Variants in TNS3 observed in about 807,000 individuals in gnomAD.
TNS3 encodes the protein tensin-3.
TNS3 carries 45 observed loss-of-function variants against 140.9 expected under a neutral mutation model. That is an observed-to-expected ratio of 0.32 (90% CI 0.25 to 0.41). The LOEUF (loss-of-function observed/expected upper bound fraction) is 0.41. TNS3 is among the 10% of genes least tolerant of loss of function. TNS3 has a pLI of 1.00. For missense variants in TNS3, 1,716 were observed against 1,906.7 expected, an observed-to-expected ratio of 0.90 and a Z score of 1.86; for synonymous variants, 815 against 788.4, an observed-to-expected ratio of 1.03 and a Z score of -0.56.
At chr7:47,320,755 T>C (rs1419188956) in intron 20 of TNS3, among the ~76,000 whole-genome samples, 1 of 152,218 alleles carries the variant, frequency 6.6e-6, no homozygotes, top group Non-Finnish European at 1.5e-5. Flanking sequence ...TAAGGCATCA[T>C]TCAACATAGG....
chr7:47,341,829 C>A (rs1259124647), intron 20 of TNS3, among the ~76,000 whole-genome samples: 1 of 151,864 alleles, frequency 6.6e-6, no homozygotes, highest in Admixed American at 6.6e-5. Context: ...TCAGAATTTT[C>A]TTCTTGCCCA....
chr7:47,418,322 G>C (rs1409008780), intron 10 of TNS3, among the ~76,000 whole-genome samples: 1 of 151,994 alleles, frequency 6.6e-6, no homozygotes, highest in Admixed American at 6.6e-5. Context: ...AGAAAAGAAG[G>C]GGAAATGAAC....
At chr7:47,301,767 G>A (rs1489364541) in intron 23 of TNS3, among the ~76,000 whole-genome samples, 1 of 152,160 alleles carries the variant, frequency 6.6e-6, no homozygotes, top group Non-Finnish European at 1.5e-5. Context: ...CAAACACACA[G>A]TGTCCCTGAC....
Position 47,369,162 on chromosome 7 carries a change from G to A in TNS3, c.1484C>T (p.Thr495Ile). Residue 495 changes from threonine (T) to isoleucine (I), a missense_variant, in exon 17 of 31, where the codon ACC becomes ATC. Transcript: ENST00000311160. ...HDLHSVDSLG[T>I]LSSSEGPQSA... is the part of the protein sequence containing the mutation. ...CTGAGGCCCTTCCGAGGAGGACAGG[G>A]TCCCAAGGCTGTCCACACTGTGCAG... 1.2e-6 allele frequency: 2 copies of A among 1,614,106 alleles called. No individual in the cohort carries two copies. Among genetic ancestry groups the A allele is most frequent in the Non-Finnish European group, 1.7e-6 (2 of 1,180,026 alleles).
At chr7:47,290,309 CT>C (rs1168820139) in intron 27 of TNS3, among the ~76,000 whole-genome samples, 1 of 152,092 alleles carries the variant, frequency 6.6e-6, no homozygotes, top group Non-Finnish European at 1.5e-5. Context: ...TTGGTGGTGA[CT>C]TTTAAGATAC....
At chr7:47,500,504 G>A (rs1798172688) in intron 3 of TNS3, among the ~76,000 whole-genome samples, 1 of 152,208 alleles carries the variant, frequency 6.6e-6, no homozygotes, top group Admixed American at 6.5e-5. Flanking sequence ...AGTGTGACGA[G>A]TAAATGACAG....
chr7:47,564,590 T>C (rs973686451), intron 1 of TNS3, among the ~76,000 whole-genome samples: 1 of 134,662 alleles, frequency 7.4e-6, no homozygotes, highest in African/African-American at 2.8e-5. Context: ...GAGCCAACAT[T>C]GTGCCATCGC....
intron 4 of TNS3, among the ~76,000 whole-genome samples, chr7:47,453,442 T>C (rs1796112937): frequency 6.6e-6 from 1 of 152,176 alleles, no homozygotes; most frequent in African/African-American, 2.4e-5. Context: ...AGGTAACAGA[T>C]GCCTGATGCC....
chr7:47,275,343 T>C lies in TNS3; in HGVS notation c.*2733A>G, dbSNP rs763429529. ...CAAGGTATTTGATGCTGAGAATAAA[T>C]GCACAGTGACTTTTAACATGGCTAT... On this transcript the variant is annotated 3_prime_UTR_variant, in exon 31 of 31. Transcript: ENST00000311160. 6.5e-6 allele frequency: 1 copy of C among 152,768 alleles called. No homozygotes were observed. The highest frequency in any genetic ancestry group is 1.5e-5 in the Non-Finnish European group (1 of 68,122). 9.5% of individuals were successfully genotyped at this position (152,768 alleles called of 1,614,324 possible). A position where few individuals can be genotyped will look rare whatever the true frequency, so the allele number is the denominator to read the frequency against.
chr7:47,537,901 G>C (rs1324649249), intron 1 of TNS3, among the ~76,000 whole-genome samples: 1 of 152,034 alleles, frequency 6.6e-6, no homozygotes, highest in African/African-American at 2.4e-5. Flanking sequence ...GGACCGCCCG[G>C]GGCCTTGCAC....
At chr7:47,295,606 C>T (rs151035064) in intron 24 of TNS3, among the ~76,000 whole-genome samples, 1 of 152,202 alleles carries the variant, frequency 6.6e-6, no homozygotes, top group Non-Finnish European at 1.5e-5. Context: ...TTCTCCCCTA[C>T]ACAACGCCTT....
intron 3 of TNS3, among the ~76,000 whole-genome samples, chr7:47,494,633 A>G (rs1797932550): frequency 6.6e-6 from 1 of 152,176 alleles, no homozygotes; most frequent in Non-Finnish European, 1.5e-5. Flanking sequence ...CGGGCTTCGG[A>G]AAGTTCCAGG....
At position 47,407,181 on chromosome 7, in the gene TNS3, C is replaced by T. The variant is rs920206574; in HGVS notation, c.723+4546G>A. Among the ~76,000 whole-genome samples the T allele has an allele frequency of 1.3e-5, 2 of 152,140 alleles. No homozygotes were observed. Among genetic ancestry groups the T allele is most frequent in the Non-Finnish European group, 2.9e-5 (2 of 68,024 alleles). The stretch of plus-strand genomic sequence containing the variant: ...CTGGGCTTTGGCAAAAGATGCACTC[C>T]CGACTCTGATGGGAGTGCTGGCAGT... On this transcript the variant is annotated intron_variant, in intron 13 of 30. Transcript: ENST00000311160. The surrounding 1 kb of genome is among the most constrained non-coding windows in gnomAD (Gnocchi z 4.1).
chr7:47,380,765 C>T (rs968618040), intron 16 of TNS3, among the ~76,000 whole-genome samples: 14 of 140,986 alleles, frequency 9.9e-5, no homozygotes, highest in South Asian at 2.2e-4. Context: ...CATATGCACG[C>T]GCGCGCACAC....
chr7:47,552,335 G>A (rs1044267797), intron 1 of TNS3, among the ~76,000 whole-genome samples: 4 of 152,256 alleles, frequency 2.6e-5, no homozygotes, highest in East Asian at 1.9e-4. Flanking sequence ...CTCTGCCTCC[G>A]TTGCAGAAAT....
chr7:47,484,376 T>C (rs965543852), intron 3 of TNS3, among the ~76,000 whole-genome samples: 3 of 152,180 alleles, frequency 2.0e-5, no homozygotes, highest in African/African-American at 7.2e-5. Flanking sequence ...GTTCTTTCAA[T>C]GTGGCTAAAA....
At chr7:47,289,950 A>G (rs758247916) in intron 27 of TNS3, among the ~76,000 whole-genome samples, 6 of 152,258 alleles carry the variant, frequency 3.9e-5, no homozygotes, top group Non-Finnish European at 7.3e-5. Context: ...ATATTGAAAG[A>G]GAAGAGCAAA....
chr7:47,533,407 G>C (rs1156519314), intron 1 of TNS3, among the ~76,000 whole-genome samples: 2 of 149,338 alleles, frequency 1.3e-5, no homozygotes, highest in African/African-American at 2.5e-5. Flanking sequence ...TGGGATTACA[G>C]GTGTGAGCCA....
chr7:47,376,629 T>C (rs1476651954), intron 16 of TNS3, among the ~76,000 whole-genome samples: 4 of 151,946 alleles, frequency 2.6e-5, no homozygotes, highest in Non-Finnish European at 5.9e-5. Context: ...ATAGAATATC[T>C]GAAATTTAAA....
Sources: allele counts gnomAD v4.1 joint callset (sites outside exome capture counted in the v4.1 genomes callset), GRCh38; gene constraint gnomAD v4.1.1; non-coding constraint Gnocchi (gnomAD v3.1); transcripts MANE v1.5; gene names NCBI Gene and HGNC (gene_info 2026-07-23, HGNC 2026-07-21).